PABIR1: variants seen among roughly 807,000 people sequenced by gnomAD.
The protein encoded by PABIR1 is PP2A Aalpha (PPP2R1A) and B55A (PPP2R2A) interacting phosphatase regulator 1, also known as PPP2R1A-PPP2R2A-interacting phosphatase regulator 1.
In PABIR1, 2 loss-of-function variants were observed where a neutral mutation model predicts 14.6. The ratio of observed to expected loss-of-function variants is 0.14; its 90% CI spans 0.06 to 0.43. The LOEUF (loss-of-function observed/expected upper bound fraction) is 0.43, where lower values mean the gene tolerates loss of function less well. Ranked by LOEUF, PABIR1 falls within the 20% of genes least tolerant of loss-of-function variation. PABIR1 has a pLI of 0.99. For missense variants in PABIR1, 294 were observed against 379.0 expected (o/e 0.78, Z 1.86); for synonymous variants, 163 against 155.4 (o/e 1.05, Z -0.36).
Position 68,783,453 on chromosome 9 carries a change from A to AT in PABIR1, c.*2426dup, listed in dbSNP as rs1208125198. 6.0e-6 allele frequency: 1 copy of AT among 167,034 alleles called. No homozygotes were observed. The highest frequency in any genetic ancestry group is 2.4e-5 in the African/African-American group (1 of 41,456). The allele number at this position is 167,034 out of a possible 1,614,324, so 10.3% of individuals were successfully genotyped here. On this transcript the variant is annotated 3_prime_UTR_variant, in exon 1 of 1. Coordinates refer to ENST00000394264, the MANE Select transcript of PABIR1 (RefSeq NM_138333.5). ...ATTGTAAAATATTTAAACATTGTAC[A>AT]TATCTGTGTGGTTTTAAAAGTCTGC...
Position 68,780,995 on chromosome 9 carries a change from A to T in PABIR1, c.831A>T (p.Pro277=). The stretch of plus-strand genomic sequence containing the variant: ...TGTCACCTGCCCAAGCGGCTTCTCC[A>T]TTTATTCCACTAGATGAACTTTCGT... ...SPVSPAQAAS[P]FIPLDELSSK The change falls in exon 1 of 1, where the codon CCA becomes CCT. Residue 277 remains proline, a synonymous_variant. Coordinates refer to ENST00000394264, the MANE Select transcript of PABIR1 (RefSeq NM_138333.5). 1 of 1,614,028 alleles carries T rather than the reference A, an allele frequency of 6.2e-7. No homozygotes were observed. The highest frequency in any genetic ancestry group is 8.5e-7 in the Non-Finnish European group (1 of 1,179,888).
At position 68,784,343 on chromosome 9, in the gene PABIR1, A is replaced by G. The variant is rs1831487470; in HGVS notation, c.*3315A>G. 6.0e-6 allele frequency: 1 copy of G among 167,146 alleles called. No homozygotes were observed. The highest frequency in any genetic ancestry group is 1.5e-5 in the Non-Finnish European group (1 of 68,132). 10.4% of individuals were successfully genotyped at this position (167,146 alleles called of 1,614,324 possible). The stretch of plus-strand genomic sequence containing the variant: ...TTTAAAGTACAGTTTGTCATACTTA[A>G]TAAACCTCTGGTATATTTTCCTTTA... On this transcript the variant is annotated 3_prime_UTR_variant, in exon 1 of 1. Coordinates refer to ENST00000394264, the MANE Select transcript of PABIR1 (RefSeq NM_138333.5).
At position 68,780,338 on chromosome 9, in the gene PABIR1, C is replaced by CTCG. The variant is rs1215926609; in HGVS notation, c.174_175insTCG (p.Ala58_Arg59insSer). On this transcript the variant is annotated inframe_insertion, in exon 1 of 1. Coordinates refer to ENST00000394264, the MANE Select transcript of PABIR1 (RefSeq NM_138333.5). ...TGTTCCAGGCCGAGGCGCCGAGCGC[C>CTCG]AGGCGGAACAGCACAACGTTCCCGA... The CTCG allele has an allele frequency of 3.7e-6, 6 of 1,607,342 alleles. No individual in the cohort carries two copies. In the Admixed American group the frequency reaches 1.0e-4, roughly 27 times the overall value.
In PABIR1 at chr9:68,783,607, T is replaced by A. The variant is rs1461518703; in HGVS notation, c.*2579T>A. ...TATATAAATGCAGGAAACCAACATG[T>A]CATTGACACCTCTCTTCTTTACTTT... On this transcript the variant is annotated 3_prime_UTR_variant, in exon 1 of 1. Coordinates refer to ENST00000394264, the MANE Select transcript of PABIR1 (RefSeq NM_138333.5). The A allele has an allele frequency of 6.0e-6, 1 of 166,962 alleles. No homozygotes were observed. The highest frequency in any genetic ancestry group is 1.9e-4 in the East Asian group (1 of 5,208). 10.3% of individuals were successfully genotyped at this position (166,962 alleles called of 1,614,324 possible).
rs894008019 is a variant in PABIR1, at chr9:68,784,638, G to A, written c.*3610G>A. 6.0e-6 allele frequency: 1 copy of A among 166,588 alleles called. No individual in the cohort carries two copies. The highest frequency in any genetic ancestry group is 1.5e-5 in the Non-Finnish European group (1 of 68,112). The allele number at this position is 166,588 out of a possible 1,614,324, so 10.3% of individuals were successfully genotyped here. On this transcript the variant is annotated 3_prime_UTR_variant, in exon 1 of 1. Coordinates refer to ENST00000394264, the MANE Select transcript of PABIR1 (RefSeq NM_138333.5). Reference sequence around the variant, plus strand: ...GTCTGAGAACATTTTTTTTCAGGGTGTGTTTATAGATTAGTAGAACAATTT... The same window carrying A: ...GTCTGAGAACATTTTTTTTCAGGGTATGTTTATAGATTAGTAGAACAATTT...
chr9:68,785,349 C>T lies in PABIR1; in HGVS notation c.*4321C>T, dbSNP rs781091577. On this transcript the variant is annotated 3_prime_UTR_variant, in exon 1 of 1. Coordinates refer to ENST00000394264, the MANE Select transcript of PABIR1 (RefSeq NM_138333.5). ...TCTCAATGTAGGTCTCTCACTCCAGCAGTTTTGCCCACATTTTTCATGGCT... is the reference window on the plus strand; with the variant it reads ...TCTCAATGTAGGTCTCTCACTCCAGTAGTTTTGCCCACATTTTTCATGGCT... Among the ~76,000 whole-genome samples, 1 of 152,160 alleles carries T rather than the reference C, an allele frequency of 6.6e-6. No individual in the cohort carries two copies. The highest frequency in any genetic ancestry group is 1.5e-5 in the Non-Finnish European group (1 of 68,026).
Position 68,781,116 on chromosome 9 carries a change from G to C in PABIR1, c.*88G>C. ...ACTGAACTTTGTCAATTAATTTGAG[G>C]CTATTTCCTATTTGACCCCTTTTCT... On this transcript the variant is annotated 3_prime_UTR_variant, in exon 1 of 1. Transcript: ENST00000394264. The C allele has an allele frequency of 6.7e-7, 1 of 1,486,904 alleles. No homozygotes were observed. Among genetic ancestry groups the C allele is most frequent in the Non-Finnish European group, 9.0e-7 (1 of 1,106,570 alleles). The allele number at this position is 1,486,904 out of a possible 1,614,324, so 92.1% of individuals were successfully genotyped here. A position where few individuals can be genotyped will look rare whatever the true frequency, so the allele number is the denominator to read the frequency against.
chr9:68,784,394 A>T lies in PABIR1; in HGVS notation c.*3366A>T, dbSNP rs540020289. 6.2e-4 allele frequency: 103 copies of T among 167,214 alleles called. No individual in the cohort carries two copies. Among genetic ancestry groups the T allele is most frequent in the South Asian group, 2.7e-3 (13 of 4,828 alleles). The allele number at this position is 167,214 out of a possible 1,614,324, so 10.4% of individuals were successfully genotyped here. A position where few individuals can be genotyped will look rare whatever the true frequency, so the allele number is the denominator to read the frequency against. ...TTATGCTTGTTAAAAACACAGTATA[A>T]ATGGGAGAAATCATTAAAGATCATT... On this transcript the variant is annotated 3_prime_UTR_variant, in exon 1 of 1. Transcript: ENST00000394264.
rs1199496649 is a variant in PABIR1 at position 68,785,347 on chromosome 9, A to G, written c.*4319A>G. On this transcript the variant is annotated 3_prime_UTR_variant, in exon 1 of 1. Transcript: ENST00000394264. ...GGTCTCAATGTAGGTCTCTCACTCC[A>G]GCAGTTTTGCCCACATTTTTCATGG... 6.6e-6 allele frequency among the ~76,000 whole-genome samples: 1 copy of G among 152,176 alleles called. No homozygotes were observed. The highest frequency in any genetic ancestry group is 2.4e-5 in the African/African-American group (1 of 41,442).
In PABIR1 at chr9:68,783,912, A is replaced by T. The variant is rs1445569501; in HGVS notation, c.*2884A>T. On this transcript the variant is annotated 3_prime_UTR_variant, in exon 1 of 1. Transcript: ENST00000394264. ...TCATTTGCTTCCTGTTCTCATGAGT[A>T]TGCCAAAATGTATTAATTCTGGGCT... 1.3e-5 allele frequency: 2 copies of T among 152,500 alleles called. No homozygotes were observed. Among genetic ancestry groups the T allele is most frequent in the South Asian group, 4.9e-4 (2 of 4,076 alleles). 9.4% of individuals were successfully genotyped at this position (152,500 alleles called of 1,614,324 possible). A position where few individuals can be genotyped will look rare whatever the true frequency, so the allele number is the denominator to read the frequency against.
Position 68,781,043 on chromosome 9 carries a change from G to A in PABIR1, c.*15G>A. On this transcript the variant is annotated 3_prime_UTR_variant, in exon 1 of 1. Transcript: ENST00000394264. ...CGTCTAAGTGATTCACTCATCCTGA[G>A]ACTTTCTTTTTGCAGTGGAGAGAGA... is the stretch of plus-strand genomic sequence containing the variant. The A allele has an allele frequency of 6.2e-7, 1 of 1,603,218 alleles. No homozygotes were observed.
At position 68,782,105 on chromosome 9, in the gene PABIR1, A is replaced by G. The variant is rs951591004; in HGVS notation, c.*1077A>G. ...GAAGGAAGCAGCTGTTTCCTTGCCA[A>G]CAGGTCCCTTCCTCTCCATCTCCCA... On this transcript the variant is annotated 3_prime_UTR_variant, in exon 1 of 1. Coordinates refer to ENST00000394264, the MANE Select transcript of PABIR1 (RefSeq NM_138333.5). The G allele has an allele frequency of 6.0e-6, 1 of 167,098 alleles. No homozygotes were observed. The highest frequency in any genetic ancestry group is 2.4e-5 in the African/African-American group (1 of 41,442). The allele number at this position is 167,098 out of a possible 1,614,324, so 10.4% of individuals were successfully genotyped here.
At position 68,780,131 on chromosome 9, in the gene PABIR1, G is replaced by A. The variant is rs1310560027; in HGVS notation, c.-34G>A. ...CGGGGAATGGGAATCCTAGGTCCCTGACTGAGCACCTCCCCCGCCTCCCTG... is the reference window on the plus strand; with the variant it reads ...CGGGGAATGGGAATCCTAGGTCCCTAACTGAGCACCTCCCCCGCCTCCCTG... On this transcript the variant is annotated 5_prime_UTR_variant, in exon 1 of 1. The change abolishes the stop of an existing upstream ORF in the 5' untranslated region. Coordinates refer to ENST00000394264, the MANE Select transcript of PABIR1 (RefSeq NM_138333.5). 1 of 1,506,850 alleles carries A rather than the reference G, an allele frequency of 6.6e-7. No homozygotes were observed. The highest frequency in any genetic ancestry group is 2.3e-5 in the East Asian group (1 of 42,686). The allele number at this position is 1,506,850 out of a possible 1,614,324, so 93.3% of individuals were successfully genotyped here. A position where few individuals can be genotyped will look rare whatever the true frequency, so the allele number is the denominator to read the frequency against.
At position 68,780,289 on chromosome 9, in the gene PABIR1, A is replaced by G. The variant is rs770389918; in HGVS notation, c.125A>G (p.His42Arg). The G allele has an allele frequency of 6.3e-7, 1 of 1,591,324 alleles. No homozygotes were observed. Among genetic ancestry groups the G allele is most frequent in the South Asian group, 1.1e-5 (1 of 88,168 alleles). The change falls in exon 1 of 1, where the codon CAC (histidine) becomes CGC (arginine). Residue 42 changes from histidine to arginine, a missense_variant. Coordinates refer to ENST00000394264, the MANE Select transcript of PABIR1 (RefSeq NM_138333.5). ...LRRSNSAPLI[H>R]GLSDTSPVFQ... ...AGGTCTAACAGCGCCCCCCTGATCC[A>G]CGGCCTCAGTGACACTTCGCCGGTG...
Position 68,784,964 on chromosome 9 carries a change from A to G in PABIR1, c.*3936A>G, listed in dbSNP as rs74548904. Reference sequence around the variant, plus strand: ...CCAATTATTGAGGAATCTAAGATACATGAGGATAGGGACAGGAGATCATTT... The same window carrying G: ...CCAATTATTGAGGAATCTAAGATACGTGAGGATAGGGACAGGAGATCATTT... On this transcript the variant is annotated 3_prime_UTR_variant, in exon 1 of 1. Coordinates refer to ENST00000394264, the MANE Select transcript of PABIR1 (RefSeq NM_138333.5). Among the ~76,000 whole-genome samples the G allele has an allele frequency of 2.4e-3, 367 of 152,292 alleles. 5 individuals carry two copies. The East Asian group carries it at 0.053, about 22-fold the overall frequency.
rs887358654 is a variant in PABIR1, at chr9:68,782,766, T to C, written c.*1738T>C. The C allele has an allele frequency of 5.4e-5, 9 of 167,110 alleles. No homozygotes were observed. The highest frequency in any genetic ancestry group is 1.4e-4 in the African/African-American group (6 of 41,452). 10.4% of individuals were successfully genotyped at this position (167,110 alleles called of 1,614,324 possible). A position where few individuals can be genotyped will look rare whatever the true frequency, so the allele number is the denominator to read the frequency against. On this transcript the variant is annotated 3_prime_UTR_variant, in exon 1 of 1. Coordinates refer to ENST00000394264, the MANE Select transcript of PABIR1 (RefSeq NM_138333.5). The stretch of plus-strand genomic sequence containing the variant: ...ATTCAAACTTAAATAGCCTGACTTC[T>C]TGTTGGGTAACTTGCCCTGCCTCCA...
At position 68,780,084 on chromosome 9, in the gene PABIR1, C is replaced by CATTAAA; in HGVS notation, c.-80_-79insTTAAAA. ...GCTGACAGATTCTCGGTGGCGGCGG[C>CATTAAA]AGCGGCGGCGGCCCTGGACTGCGGG... On this transcript the variant is annotated 5_prime_UTR_variant, in exon 1 of 1. Coordinates refer to ENST00000394264, the MANE Select transcript of PABIR1 (RefSeq NM_138333.5). 1.4e-6 allele frequency: 2 copies of CATTAAA among 1,388,964 alleles called. No individual in the cohort carries two copies. Among genetic ancestry groups the CATTAAA allele is most frequent in the Non-Finnish European group, 1.9e-6 (2 of 1,069,376 alleles). 86.0% of individuals were successfully genotyped at this position (1,388,964 alleles called of 1,614,324 possible). A position where few individuals can be genotyped will look rare whatever the true frequency, so the allele number is the denominator to read the frequency against.
rs1831496797 is a variant in PABIR1 at position 68,784,506 on chromosome 9, C to CACATTTATT, written c.*3479_*3480insCATTTATTA. 2 of 166,470 alleles carry CACATTTATT rather than the reference C, an allele frequency of 1.2e-5. No individual in the cohort carries two copies. The highest frequency in any genetic ancestry group is 4.8e-5 in the African/African-American group (2 of 41,442). 10.3% of individuals were successfully genotyped at this position (166,470 alleles called of 1,614,324 possible). ...GAATAACTTGTATCAGATTGCCTTC[C>CACATTTATT]AGTGATTCACATTTATTAGTTCAAC... On this transcript the variant is annotated 3_prime_UTR_variant, in exon 1 of 1. Transcript: ENST00000394264.
Position 68,781,092 on chromosome 9 carries a change from C to A in PABIR1, c.*64C>A. The A allele has an allele frequency of 6.6e-7, 1 of 1,524,984 alleles. No homozygotes were observed. Among genetic ancestry groups the A allele is most frequent in the African/African-American group, 1.4e-5 (1 of 71,948 alleles). The allele number at this position is 1,524,984 out of a possible 1,614,324, so 94.5% of individuals were successfully genotyped here. A position where few individuals can be genotyped will look rare whatever the true frequency, so the allele number is the denominator to read the frequency against. ...GAGAATAATCTAGTTGGGGCAAACA[C>A]TGAACTTTGTCAATTAATTTGAGGC... On this transcript the variant is annotated 3_prime_UTR_variant, in exon 1 of 1. Transcript: ENST00000394264.
Sources: gnomAD v4.1 joint callset for allele counts (sites outside exome capture counted in the v4.1 genomes callset) on GRCh38, gnomAD v4.1.1 for gene constraint, MANE v1.5 for transcripts, NCBI Gene and HGNC (gene_info 2026-07-23, HGNC 2026-07-21) for gene names.